The following TSHZ2 variants were observed in gnomAD, a reference collection of about 807,000 sequenced individuals.
The protein encoded by TSHZ2 is teashirt homolog 2.
TSHZ2 carries 21 observed loss-of-function variants against 74.4 expected under a neutral mutation model. The observed-to-expected ratio is 0.28, with a 90% CI of 0.20 to 0.41. The LOEUF is 0.41. TSHZ2 is among the 10% of genes least tolerant of loss of function. The pLI is 1.00. For synonymous variants in TSHZ2, 540 were observed against 515.3 expected (o/e 1.05, Z -0.65); for missense variants, 1,244 against 1,293.5 (o/e 0.96, Z 0.59).
chr20:53,292,491 A>G (rs1291867168), intron 2 of TSHZ2, among the ~76,000 whole-genome samples: 3 of 145,204 alleles, frequency 2.1e-5, no homozygotes, highest in African/African-American at 5.1e-5. Context: ...TCTGCTGCCC[A>G]GGCTGAAGTG....
intron 2 of TSHZ2, among the ~76,000 whole-genome samples, chr20:53,467,292 C>T (rs548585741): frequency 9.2e-5 from 14 of 152,270 alleles, no homozygotes; most frequent in Middle Eastern, 3.4e-3. Flanking sequence ...AATGCAGCAA[C>T]GAAAGAGCTT....
chr20:53,366,977 G>A (rs542133719), intron 2 of TSHZ2, among the ~76,000 whole-genome samples: 4 of 152,270 alleles, frequency 2.6e-5, no homozygotes, highest in East Asian at 1.9e-4. Flanking sequence ...GGGCATTGCC[G>A]TTTTCAGTGT....
chr20:53,043,599 T>TTGC (rs1267569671), intron 1 of TSHZ2, among the ~76,000 whole-genome samples: 3 of 152,204 alleles, frequency 2.0e-5, no homozygotes, highest in Admixed American at 1.3e-4. Context: ...AGTGGAATTA[T>TTGC]TGCTGCTGCT....
chr20:53,099,110 A>C (rs955510767), intron 1 of TSHZ2, among the ~76,000 whole-genome samples: 6 of 152,142 alleles, frequency 3.9e-5, no homozygotes, highest in African/African-American at 1.4e-4. Context: ...CTCCCAGCTC[A>C]GCCTAAGAGG....
intron 1 of TSHZ2, among the ~76,000 whole-genome samples, chr20:53,228,813 G>T (rs930159736): frequency 6.6e-6 from 1 of 152,156 alleles, no homozygotes; most frequent in Non-Finnish European, 1.5e-5. Flanking sequence ...TCCAGACTTT[G>T]TCACATGTCC....
intron 2 of TSHZ2, among the ~76,000 whole-genome samples, chr20:53,353,038 T>A (rs914797354): frequency 6.6e-6 from 1 of 152,110 alleles, no homozygotes; most frequent in Non-Finnish European, 1.5e-5. Flanking sequence ...ACAATTTGTA[T>A]TACTTAGAAT....
Position 53,016,985 on chromosome 20 carries a change from C to T in TSHZ2, c.40+43652C>T, listed in dbSNP as rs764388122. Among the ~76,000 whole-genome samples the T allele has an allele frequency of 4.6e-5, 7 of 152,154 alleles. No homozygotes were observed. The South Asian group carries it at 1.2e-3, about 27-fold the overall frequency. On this transcript the variant is annotated intron_variant, in intron 1 of 2. Transcript: ENST00000371497. The stretch of plus-strand genomic sequence containing the variant: ...CAAGGACGTTATTCTCTACCATGGA[C>T]TTGGAGGAGAAGGAGAATGGAAATA...
intron 1 of TSHZ2, among the ~76,000 whole-genome samples, chr20:53,216,411 G>T (rs191259971): frequency 6.6e-6 from 1 of 152,326 alleles, no homozygotes; most frequent in Middle Eastern, 3.4e-3. Flanking sequence ...AGTCAAGGAC[G>T]TGAACATACA....
At chr20:53,179,860 A>G (rs1988429281) in intron 1 of TSHZ2, among the ~76,000 whole-genome samples, 1 of 152,154 alleles carries the variant, frequency 6.6e-6, no homozygotes, top group South Asian at 2.1e-4. Context: ...GATTCACTAG[A>G]ATTTACATAG....
chr20:53,423,309 A>G (rs888781835), intron 2 of TSHZ2, among the ~76,000 whole-genome samples: 1 of 152,280 alleles, frequency 6.6e-6, no homozygotes, highest in Non-Finnish European at 1.5e-5. Flanking sequence ...ACTTGAGCCC[A>G]GGAAGCAGAG....
At chr20:53,390,229 G>A (rs1892380204) in intron 2 of TSHZ2, among the ~76,000 whole-genome samples, 1 of 152,182 alleles carries the variant, frequency 6.6e-6, no homozygotes, top group South Asian at 2.1e-4. Flanking sequence ...GGATTACTTG[G>A]TATTAATCCC....
intron 1 of TSHZ2, among the ~76,000 whole-genome samples, chr20:53,025,663 A>G (rs2123046133): frequency 6.6e-6 from 1 of 152,354 alleles, no homozygotes; most frequent in African/African-American, 2.4e-5. Context: ...TTACTTTCAG[A>G]TAAAAATTAC....
intron 1 of TSHZ2, among the ~76,000 whole-genome samples, chr20:53,016,992 G>A (rs1015497313): frequency 6.6e-6 from 1 of 152,156 alleles, no homozygotes; most frequent in African/African-American, 2.4e-5. Flanking sequence ...GGACTTGGAG[G>A]AGAAGGAGAA....
In TSHZ2 at chr20:52,981,942, T is replaced by C. The variant is rs151293378; in HGVS notation, c.40+8609T>C. ...CTGGAGGTGAATAGGATGGGGATGATCCCTGGGGATCTTGCCCTCCAATTG... is the reference window on the plus strand; with the variant it reads ...CTGGAGGTGAATAGGATGGGGATGACCCCTGGGGATCTTGCCCTCCAATTG... On this transcript the variant is annotated intron_variant, in intron 1 of 2. Coordinates refer to ENST00000371497, the MANE Select transcript of TSHZ2 (RefSeq NM_173485.6). Among the ~76,000 whole-genome samples the C allele has an allele frequency of 7.8e-3, 1,188 of 152,330 alleles. 12 individuals carry two copies. The highest frequency in any genetic ancestry group is 0.026 in the African/African-American group (1,085 of 41,574).
intron 1 of TSHZ2, chr20:53,196,481 G>A (rs2123560427): frequency 6.6e-6 from 1 of 152,010 alleles, no homozygotes; most frequent in Non-Finnish European, 1.5e-5. Flanking sequence ...CCTGATTGCG[G>A]TCAACTCACC....
At chr20:53,469,672 G>GGAAGGAAA (rs1985713769) in intron 2 of TSHZ2, among the ~76,000 whole-genome samples, 2 of 87,084 alleles carry the variant, frequency 2.3e-5, no homozygotes, top group Non-Finnish European at 4.9e-5. Flanking sequence ...AAGGAAGGAA[G>GGAAGGAAA]GAAGGAAGGA....
At chr20:53,204,933 GA>G (rs907632578) in intron 1 of TSHZ2, among the ~76,000 whole-genome samples, 18 of 148,560 alleles carry the variant, frequency 1.2e-4, no homozygotes, top group Middle Eastern at 3.4e-3. Context: ...TACAAAAAAA[GA>G]AAAAAAAAAT....
chr20:53,470,021 G>T (rs1985750124), intron 2 of TSHZ2, among the ~76,000 whole-genome samples: 2 of 152,100 alleles, frequency 1.3e-5, no homozygotes, highest in South Asian at 4.1e-4. Flanking sequence ...TTTGATAGAA[G>T]AAGAAAAAAA....
At chr20:53,113,393 G>C (rs746535869) in intron 1 of TSHZ2, among the ~76,000 whole-genome samples, 1 of 151,960 alleles carries the variant, frequency 6.6e-6, no homozygotes, top group African/African-American at 2.4e-5. Context: ...AAATAGTTTT[G>C]TGTATCTAAC....
Sources: allele counts gnomAD v4.1 joint callset (sites outside exome capture counted in the v4.1 genomes callset), GRCh38; gene constraint gnomAD v4.1.1; transcripts MANE v1.5; gene names NCBI Gene and HGNC (gene_info 2026-07-23, HGNC 2026-07-21).